JADE2: variants seen among roughly 807,000 people sequenced by gnomAD.
JADE2 encodes the protein jade family PHD finger 2, also known as E3 ubiquitin-protein ligase Jade-2.
A neutral mutation model predicts 85.7 loss-of-function variants in JADE2; 13 were observed. The observed-to-expected ratio is 0.15, with a 90% confidence interval of 0.10 to 0.24. The LOEUF is 0.24. Ranked by LOEUF, JADE2 falls within the 10% of genes least tolerant of loss-of-function variation. The probability of loss-of-function intolerance (pLI) is 1.00; values close to 1 mark genes in which losing one functional copy is unlikely to be tolerated. For synonymous variants in JADE2, 440 were observed against 456.1 expected (o/e 0.96, Z 0.45); for missense variants, 846 against 1,115.9 (o/e 0.76, Z 3.45).
At position 134,564,476 on chromosome 5, in the gene JADE2, C is replaced by A. The variant is rs1334845253; in HGVS notation, c.853-18C>A. ...CTGGGGATGAGAGGAATGATGCAGCCCCCTGTGTCCTGCCCAGGTCAGCAT... is the reference window on the plus strand; with the variant it reads ...CTGGGGATGAGAGGAATGATGCAGCACCCTGTGTCCTGCCCAGGTCAGCAT... On this transcript the variant is annotated intron_variant, in intron 7 of 11. Transcript: ENST00000681547. 2 of 1,535,248 alleles carry A rather than the reference C, an allele frequency of 1.3e-6. No individual in the cohort carries two copies. Among genetic ancestry groups the A allele is most frequent in the Non-Finnish European group, 8.8e-7 (1 of 1,129,958 alleles).
intron 1 of JADE2, among the ~76,000 whole-genome samples, chr5:134,530,750 G>T (rs2149854000): frequency 6.6e-6 from 1 of 152,288 alleles, no homozygotes; most frequent in Non-Finnish European, 1.5e-5. Flanking sequence ...TTAGCCAGGA[G>T]CCCAACCAAA....
rs1205091256 is a variant in JADE2, at chr5:134,562,729, A to C, written c.852+362A>C. Among the ~76,000 whole-genome samples the C allele has an allele frequency of 2.6e-5, 4 of 152,158 alleles. No individual in the cohort carries two copies. On this transcript the variant is annotated intron_variant, in intron 7 of 11. Coordinates refer to ENST00000681547, the MANE Select transcript of JADE2 (RefSeq NM_001388185.1). This position sits in a 1 kb window ranked among gnomAD's most constrained non-coding sequence, Gnocchi z 4.6. ...CAGTGAACCGAGATCGCACCACTGC[A>C]CTCCAGCCTGGGTGACAGAGCAAGA...
intron 4 of JADE2, among the ~76,000 whole-genome samples, chr5:134,557,278 T>G (rs79697128): frequency 8.3e-5 from 2 of 24,002 alleles, no homozygotes; most frequent in African/African-American, 2.2e-4. Context: ...ATTTTTTTTT[T>G]TATTTTTTTT....
At chr5:134,528,210 A>G (rs1169730607) in intron 1 of JADE2, among the ~76,000 whole-genome samples, 1 of 152,098 alleles carries the variant, frequency 6.6e-6, no homozygotes, top group African/African-American at 2.4e-5. Context: ...TCGGAGTGGC[A>G]TTAACTCCCT....
chr5:134,540,707 G>T (rs1394055593), intron 3 of JADE2, among the ~76,000 whole-genome samples: 1 of 152,170 alleles, frequency 6.6e-6, no homozygotes, highest in African/African-American at 2.4e-5. Context: ...TGTTGTAGCT[G>T]TTCAAGTTGA....
In JADE2 at chr5:134,525,796, G is replaced by T. The variant is rs1473496520; in HGVS notation, c.-216G>T. 1 of 1,044,348 alleles carries T rather than the reference G, an allele frequency of 9.6e-7. No individual in the cohort carries two copies. Among genetic ancestry groups the T allele is most frequent in the Non-Finnish European group, 1.2e-6 (1 of 863,600 alleles). 64.7% of individuals were successfully genotyped at this position (1,044,348 alleles called of 1,614,324 possible). A position where few individuals can be genotyped will look rare whatever the true frequency, so the allele number is the denominator to read the frequency against. On this transcript the variant is annotated 5_prime_UTR_variant, in exon 1 of 12. In the 5' UTR this introduces an upstream ATG that the reference lacks. Coordinates refer to ENST00000681547, the MANE Select transcript of JADE2 (RefSeq NM_001388185.1). ...GCCCACTCCTAGCGGCACCGGCTTA[G>T]GTCCTGCGGGCCGACCGTCCCCGGC...
chr5:134,537,669 A>C (rs1294773771), intron 2 of JADE2, among the ~76,000 whole-genome samples: 1 of 152,150 alleles, frequency 6.6e-6, no homozygotes, highest in African/African-American at 2.4e-5. Flanking sequence ...TGTGGGCATG[A>C]AAGGCTTATT....
chr5:134,579,120 G>A lies in JADE2; in HGVS notation c.2308G>A (p.Asp770Asn). The A allele has an allele frequency of 6.2e-7, 1 of 1,614,210 alleles. No individual in the cohort carries two copies. Among genetic ancestry groups the A allele is most frequent in the Non-Finnish European group, 8.5e-7 (1 of 1,180,040 alleles). ...VTRRLPGARP[D>N]AGMGPPSAVA... ...CCGGAGATTGCCGGGTGCCAGGCCT[G>A]ATGCTGGGATGGGACCACCTTCAGC... Residue 770 changes from aspartate (D) to asparagine (N), a missense_variant, in exon 12 of 12, where the codon GAT (aspartate) becomes AAT (asparagine). Coordinates refer to ENST00000681547, the MANE Select transcript of JADE2 (RefSeq NM_001388185.1). This position sits in a 1 kb window ranked among gnomAD's most constrained non-coding sequence, Gnocchi z 4.6.
chr5:134,576,715 C>A (rs116626709), intron 10 of JADE2, 53 bp from the exon 11 acceptor site: 2 of 1,547,976 alleles, frequency 1.3e-6, no homozygotes, highest in Non-Finnish European at 1.7e-6. Flanking sequence ...TGGTGCTGAC[C>A]GAGGCCACTC....
intron 4 of JADE2, 32 bp from the exon 5 acceptor site, chr5:134,559,798 T>C: frequency 6.3e-7 from 1 of 1,590,944 alleles, no homozygotes; most frequent in Non-Finnish European, 8.5e-7. Context: ...TGAGGGCCCC[T>C]CCCTTCATGA....
intron 4 of JADE2, among the ~76,000 whole-genome samples, chr5:134,554,963 C>T (rs571363688): frequency 2.0e-5 from 3 of 152,308 alleles, no homozygotes; most frequent in South Asian, 2.1e-4. Context: ...ATGAGGAAGT[C>T]GGGAAATTCT....
intron 3 of JADE2, among the ~76,000 whole-genome samples, chr5:134,544,010 G>C (rs1440321692): frequency 2.0e-5 from 3 of 152,266 alleles, no homozygotes; most frequent in Non-Finnish European, 4.4e-5. Context: ...CTGGAGGCCA[G>C]CCGCATGTTT....
At position 134,525,825 on chromosome 5, in the gene JADE2, G is replaced by T. The variant is rs1375291322; in HGVS notation, c.-187G>T. On this transcript the variant is annotated 5_prime_UTR_variant, in exon 1 of 12. Transcript: ENST00000681547. Reference sequence around the variant, plus strand: ...CTGCGGGCCGACCGTCCCCGGCGGGGGGCGTGGGGCCTGGGACGCCGCGGG... The same window carrying T: ...CTGCGGGCCGACCGTCCCCGGCGGGTGGCGTGGGGCCTGGGACGCCGCGGG... 8 of 1,011,434 alleles carry T rather than the reference G, an allele frequency of 7.9e-6. No individual in the cohort carries two copies. Among genetic ancestry groups the T allele is most frequent in the Non-Finnish European group, 9.5e-6 (8 of 844,512 alleles). The allele number at this position is 1,011,434 out of a possible 1,614,324, so 62.7% of individuals were successfully genotyped here. A position where few individuals can be genotyped will look rare whatever the true frequency, so the allele number is the denominator to read the frequency against.
At chr5:134,570,713 C>T (rs545826126) in intron 9 of JADE2, among the ~76,000 whole-genome samples, 4 of 152,118 alleles carry the variant, frequency 2.6e-5, no homozygotes, top group Non-Finnish European at 5.9e-5. Flanking sequence ...CTGACCAGGT[C>T]CCCCCTGAGG....
At chr5:134,563,104 G>A (rs1452666929) in intron 7 of JADE2, among the ~76,000 whole-genome samples, 1 of 152,062 alleles carries the variant, frequency 6.6e-6, no homozygotes, top group Non-Finnish European at 1.5e-5. Flanking sequence ...AATCACTTGA[G>A]GTGAGGAGTT....
Position 134,557,289 on chromosome 5 carries a change from T to TC in JADE2, c.312-2541_312-2540insC, listed in dbSNP as rs1166381358. On this transcript the variant is annotated intron_variant, in intron 4 of 11. Coordinates refer to ENST00000681547, the MANE Select transcript of JADE2 (RefSeq NM_001388185.1). ...TTTTATTTTTTTTTTTATTTTTTTTTTTTTCAGACAGAACCCATGCTCTTT... is the reference window on the plus strand; with the variant it reads ...TTTTATTTTTTTTTTTATTTTTTTTTCTTTTCAGACAGAACCCATGCTCTTT... 5.1e-4 allele frequency among the ~76,000 whole-genome samples: 77 copies of TC among 151,520 alleles called. 1 individual carries two copies. Among genetic ancestry groups the TC allele is most frequent in the Non-Finnish European group, 7.4e-5 (5 of 67,934 alleles).
chr5:134,533,654 C>A, intron 1 of JADE2: 2 of 861,442 alleles, frequency 2.3e-6, no homozygotes, highest in Non-Finnish European at 2.8e-6. Context: ...AGCTGGGTTG[C>A]GCTGGGCTGG....
chr5:134,571,514 T>C lies in JADE2; in HGVS notation c.1435-2131T>C, dbSNP rs533166732. On this transcript the variant is annotated intron_variant, in intron 9 of 11. Coordinates refer to ENST00000681547, the MANE Select transcript of JADE2 (RefSeq NM_001388185.1). Reference sequence around the variant, plus strand: ...GAGTTCAAGACTAGCCTGGCCAACATGGTGAAACCCCATCTCTACTAAAAA... The same window carrying C: ...GAGTTCAAGACTAGCCTGGCCAACACGGTGAAACCCCATCTCTACTAAAAA... Among the ~76,000 whole-genome samples, 428 of 152,250 alleles carry C rather than the reference T, an allele frequency of 2.8e-3. 6 individuals are homozygous for C. The highest frequency in any genetic ancestry group is 3.7e-3 in the East Asian group (19 of 5,174).
intron 1 of JADE2, chr5:134,526,341 C>G (rs1271152351): frequency 7.1e-6 from 7 of 984,936 alleles, no homozygotes; most frequent in Non-Finnish European, 8.4e-6. Flanking sequence ...CCCGGGCCGG[C>G]GAGGGGGCGC....
Sources: gnomAD v4.1 joint callset for allele counts (sites outside exome capture counted in the v4.1 genomes callset) on GRCh38, gnomAD v4.1.1 for gene constraint, Gnocchi (gnomAD v3.1) non-coding constraint, MANE v1.5 for transcripts, NCBI Gene and HGNC (gene_info 2026-07-23, HGNC 2026-07-21) for gene names.